The following FYB2 variants were observed in gnomAD, a reference collection of about 807,000 sequenced individuals.
The protein encoded by FYB2 is FYN binding protein 2, also known as FYN-binding protein 2.
FYB2 carries 103 observed loss-of-function variants against 94.1 expected under a neutral mutation model. The observed-to-expected ratio is 1.09, with a 90% CI of 0.93 to 1.29. The LOEUF (loss-of-function observed/expected upper bound fraction) is 1.29, where lower values mean the gene tolerates loss of function less well. Ranked by LOEUF, FYB2 falls within the 50% of genes most tolerant of loss-of-function variation. The pLI, the probability that FYB2 is intolerant of heterozygous loss-of-function variation, is 0.00. For synonymous variants in FYB2, 293 were observed against 287.9 expected (o/e 1.02, Z -0.18); for missense variants, 896 against 841.5 (o/e 1.06, Z -0.80).
At chr1:56,800,046 G>A (rs901295741) in intron 1 of FYB2, among the ~76,000 whole-genome samples, 1 of 152,172 alleles carries the variant, frequency 6.6e-6, no homozygotes, top group Admixed American at 6.5e-5. Flanking sequence ...CCTTCCACAG[G>A]GAGAAACAAT....
intron 4 of FYB2, among the ~76,000 whole-genome samples, chr1:56,770,660 G>A (rs1023591143): frequency 1.3e-5 from 2 of 151,986 alleles, no homozygotes; most frequent in African/African-American, 4.8e-5. Flanking sequence ...AGTGAAAAAG[G>A]TTATTTTAAT....
chr1:56,822,801 C>A (rs576797566), upstream of FYB2, among the ~76,000 whole-genome samples: 1 of 151,148 alleles, frequency 6.6e-6, no homozygotes, highest in South Asian at 2.1e-4. Context: ...AATCACGTGT[C>A]CTCACCTCTT....
Position 56,737,129 on chromosome 1 carries a change from A to T in FYB2, c.1751T>A (p.Val584Asp). The T allele has an allele frequency of 6.2e-7, 1 of 1,606,080 alleles. No individual in the cohort carries two copies. Among genetic ancestry groups the T allele is most frequent in the Non-Finnish European group, 8.5e-7 (1 of 1,174,840 alleles). The change falls in exon 15 of 20, where the codon GTT (valine) becomes GAT (aspartate). Residue 584 changes from valine to aspartate, a missense_variant. By Grantham distance (152) the Val-to-Asp change is radical. Transcript: ENST00000343433. ...LPDLELKSQE[V>D]IIYDDVDLSE... ...CAGGTCTACATCATCATAAATAATA[A>T]CTTCCTGAGACTTAAGTTCTAGGGT...
At chr1:56,789,216 A>G (rs1646205149) in intron 2 of FYB2, 82 bp from the exon 3 acceptor site, 4 of 1,446,436 alleles carry the variant, frequency 2.8e-6, no homozygotes, top group Non-Finnish European at 3.7e-6. Context: ...CCTTGCCTCC[A>G]TCTAAGTCCC....
chr1:56,720,233 ATTC>A lies in FYB2; in HGVS notation c.2068_2070del (p.Glu690del), dbSNP rs771102766. The A allele has an allele frequency of 6.6e-5, 106 of 1,612,264 alleles. No individual in the cohort carries two copies. The highest frequency in any genetic ancestry group is 2.3e-4 in the Admixed American group (14 of 59,858). On this transcript the variant is annotated inframe_deletion, in exon 18 of 20. Coordinates refer to ENST00000343433, the MANE Select transcript of FYB2 (RefSeq NM_001004303.5). Reference sequence around the variant, plus strand: ...TGTTCGGTGGTATCAATGACTTCCAATTCTTCTCCAGGACTTATTGGCAAATCA... The same window carrying A: ...TGTTCGGTGGTATCAATGACTTCCAATTCTCCAGGACTTATTGGCAAATCA...
In FYB2 at chr1:56,723,504, C is replaced by G. The variant is rs1644526537; in HGVS notation, c.1974+84G>C. 9 of 705,798 alleles carry G rather than the reference C, an allele frequency of 1.3e-5. No individual in the cohort carries two copies. The South Asian group carries it at 1.9e-4, about 15-fold the overall frequency. The allele number at this position is 705,798 out of a possible 1,614,324, so 43.7% of individuals were successfully genotyped here. ...TGTCTGTATCTCAGAGAGGCAGAGG[C>G]ACAGCATACTTACAGATTTTTTTTT... On this transcript the variant is annotated intron_variant, in intron 17 of 19. Transcript: ENST00000343433.
intron 4 of FYB2, among the ~76,000 whole-genome samples, chr1:56,778,978 G>A (rs1370352784): frequency 6.6e-6 from 1 of 152,086 alleles, no homozygotes; most frequent in Admixed American, 6.6e-5. Context: ...GCCATCAGGT[G>A]ACGATCTGGG....
chr1:56,824,527 G>C (rs936532534), upstream of FYB2: 1 of 152,234 alleles, frequency 6.6e-6, no homozygotes, highest in Non-Finnish European at 1.5e-5. Context: ...CAAAGTCTAA[G>C]AGTTTGAACT....
chr1:56,729,075 G>A (rs1412221040), intron 15 of FYB2, among the ~76,000 whole-genome samples: 1 of 152,156 alleles, frequency 6.6e-6, no homozygotes, highest in African/African-American at 2.4e-5. Context: ...GAACAGGCGA[G>A]GCTAAGAGGT....
rs752455067 is a variant in FYB2, at chr1:56,758,763, T to TA, written c.1064-14dup. ...ACTTCATAAGTTGCTAAAGTAAACA[T>TA]AAAAAAATTATTTCAAGGCAGCTGA... On this transcript the variant is annotated splice_polypyrimidine_tract_variant and intron_variant, in intron 5 of 19. Coordinates refer to ENST00000343433, the MANE Select transcript of FYB2 (RefSeq NM_001004303.5). The TA allele has an allele frequency of 6.3e-7, 1 of 1,586,502 alleles. No individual in the cohort carries two copies.
rs112800693 is a variant in FYB2, at chr1:56,795,601, G to A, written c.10-2798C>T. Among the ~76,000 whole-genome samples, 106 of 150,330 alleles carry A rather than the reference G, an allele frequency of 7.1e-4. 1 individual carries two copies. Among genetic ancestry groups the A allele is most frequent in the African/African-American group, 2.4e-3 (97 of 40,904 alleles). On this transcript the variant is annotated intron_variant, in intron 1 of 19. Transcript: ENST00000343433. ...ACCATTTTACATTCTCACCAACAGT[G>A]TACAGGGGTTCCAATTTCTCCACAT...
chr1:56,813,309 C>T (rs1381324444), intron 1 of FYB2, among the ~76,000 whole-genome samples: 1 of 151,934 alleles, frequency 6.6e-6, no homozygotes, highest in East Asian at 1.9e-4. Flanking sequence ...CTGGGGAAGC[C>T]TCACAATCAT....
At chr1:56,750,083 A>G (rs1645159796) in intron 9 of FYB2, among the ~76,000 whole-genome samples, 1 of 151,904 alleles carries the variant, frequency 6.6e-6, no homozygotes, top group South Asian at 2.1e-4. Flanking sequence ...AGAGATACAG[A>G]AAAAAAATAC....
chr1:56,747,702 A>G (rs857115), intron 9 of FYB2, among the ~76,000 whole-genome samples: 30,763 of 152,142 alleles, frequency 0.2, 3,267 homozygotes, highest in South Asian at 0.33. Context: ...TAGTGCTGCA[A>G]TAAACATACG....
chr1:56,784,297 T>A (rs1180882034), intron 4 of FYB2, among the ~76,000 whole-genome samples: 1 of 152,148 alleles, frequency 6.6e-6, no homozygotes, highest in African/African-American at 2.4e-5. Flanking sequence ...GATGTTAAGT[T>A]CTAGGGGTGG....
intron 1 of FYB2, among the ~76,000 whole-genome samples, chr1:56,810,942 A>G (rs752571096): frequency 6.6e-6 from 1 of 152,022 alleles, no homozygotes; most frequent in Non-Finnish European, 1.5e-5. Context: ...ACCATCTTTT[A>G]TTATCAATAT....
chr1:56,748,238 C>T (rs1645113868), intron 9 of FYB2, among the ~76,000 whole-genome samples: 1 of 152,064 alleles, frequency 6.6e-6, no homozygotes, highest in African/African-American at 2.4e-5. Flanking sequence ...TGTGCAGAAG[C>T]TCTTTAGTTT....
rs201585746 is a variant in FYB2 at position 56,792,235 on chromosome 1, G to C, written c.578C>G (p.Thr193Ser). The C allele has an allele frequency of 6.2e-7, 1 of 1,612,904 alleles. No individual in the cohort carries two copies. The highest frequency in any genetic ancestry group is 1.1e-5 in the South Asian group (1 of 90,804). Residue 193 changes from threonine to serine, a missense_variant, in exon 2 of 20, where the codon ACT becomes AGT. By Grantham distance (58) the Thr-to-Ser change is moderately conservative (BLOSUM62 1). Coordinates refer to ENST00000343433, the MANE Select transcript of FYB2 (RefSeq NM_001004303.5). ...CACCACGTGCTTCTGGGAAGGAAGA[G>C]TCTGGGCTCCTTTTGTTTCCAGCTT... is the stretch of plus-strand genomic sequence containing the variant. Reference protein sequence around the residue: ...RKKLETKGAQTLPSQKHVVAP... With the variant: ...RKKLETKGAQSLPSQKHVVAP...
intron 4 of FYB2, among the ~76,000 whole-genome samples, chr1:56,786,774 C>T (rs570336075): frequency 3.3e-5 from 5 of 152,176 alleles, no homozygotes; most frequent in Non-Finnish European, 5.9e-5. Context: ...TGAACTGACA[C>T]TTCTGTGGCA....
Sources: allele counts gnomAD v4.1 joint callset (sites outside exome capture counted in the v4.1 genomes callset), GRCh38; gene constraint gnomAD v4.1.1; transcripts MANE v1.5; gene names NCBI Gene and HGNC (gene_info 2026-07-23, HGNC 2026-07-21).